The following DPP10 variants were observed in gnomAD, a reference collection of about 807,000 sequenced individuals.
DPP10 encodes the protein inactive dipeptidyl peptidase 10.
Under a neutral mutation model 120.9 loss-of-function variants are expected in DPP10, and 33 were observed. The observed-to-expected ratio is 0.27, with a 90% confidence interval of 0.21 to 0.37. DPP10 has a LOEUF of 0.37. Ranked by LOEUF, DPP10 falls within the 10% of genes least tolerant of loss-of-function variation. The pLI is 1.00. For missense variants in DPP10, 816 were observed against 942.8 expected, an observed-to-expected ratio of 0.87 and a Z score of 1.76; for synonymous variants, 337 against 326.1, an observed-to-expected ratio of 1.03 and a Z score of -0.36.
At chr2:115,755,908 T>C (rs1237419651) in intron 11 of DPP10, among the ~76,000 whole-genome samples, 2 of 142,570 alleles carry the variant, frequency 1.4e-5, no homozygotes, top group Non-Finnish European at 3.1e-5. Context: ...TTTTAAAAAG[T>C]ATATATGTAT....
intron 1 of DPP10, among the ~76,000 whole-genome samples, chr2:114,518,467 C>T (rs2104634479): frequency 6.6e-6 from 1 of 152,230 alleles, no homozygotes; most frequent in Admixed American, 6.5e-5. Flanking sequence ...CTTATGTTTT[C>T]CCTTCTATTT....
At chr2:115,000,016 G>GT (rs11458624) in intron 1 of DPP10, among the ~76,000 whole-genome samples, 147,040 of 150,774 alleles carry the variant, frequency 0.98, 71,807 homozygotes, top group Middle Eastern at 1. Flanking sequence ...CAACCAATTA[G>GT]TTTTTTTTTA....
At chr2:115,774,436 A>G (rs1377340735) in intron 13 of DPP10, among the ~76,000 whole-genome samples, 1 of 152,062 alleles carries the variant, frequency 6.6e-6, no homozygotes, top group Non-Finnish European at 1.5e-5. Flanking sequence ...CATTCAAAGC[A>G]GGGCCTGGAA....
intron 1 of DPP10, among the ~76,000 whole-genome samples, chr2:114,832,361 G>A (rs1687214519): frequency 6.6e-6 from 1 of 152,026 alleles, no homozygotes; most frequent in Non-Finnish European, 1.5e-5. Context: ...GTGAAACACC[G>A]CCTCTACTAA....
At position 115,021,516 on chromosome 2, in the gene DPP10, T is replaced by C. The variant is rs551769945; in HGVS notation, c.61-287723T>C. On this transcript the variant is annotated intron_variant, in intron 1 of 25. Transcript: ENST00000410059. Reference sequence around the variant, plus strand: ...CCAATAAAAAGCAGTGAGATTGAAATGATAATTTAAAAATTGACAAAAACT... The same window carrying C: ...CCAATAAAAAGCAGTGAGATTGAAACGATAATTTAAAAATTGACAAAAACT... 1.6e-4 allele frequency among the ~76,000 whole-genome samples: 24 copies of C among 152,082 alleles called. No individual in the cohort carries two copies. The South Asian group carries it at 4.8e-3, about 30-fold the overall frequency.
chr2:114,702,412 C>A (rs1299863003), intron 1 of DPP10, among the ~76,000 whole-genome samples: 2 of 152,050 alleles, frequency 1.3e-5, no homozygotes, highest in East Asian at 2.0e-4. Context: ...GATCTCTATT[C>A]CTAGCATCTG....
At chr2:114,931,029 A>G (rs1405192686) in intron 1 of DPP10, among the ~76,000 whole-genome samples, 2 of 152,200 alleles carry the variant, frequency 1.3e-5, no homozygotes, top group South Asian at 2.1e-4. Flanking sequence ...TCTCCAAACT[A>G]TACCAACCAC....
chr2:114,991,881 C>G (rs991004909), intron 1 of DPP10, among the ~76,000 whole-genome samples: 1 of 152,078 alleles, frequency 6.6e-6, no homozygotes, highest in Admixed American at 6.6e-5. Flanking sequence ...CCAGGCAAGT[C>G]CACAGATGGA....
chr2:114,679,034 A>G (rs562522461), intron 1 of DPP10, among the ~76,000 whole-genome samples: 1 of 152,222 alleles, frequency 6.6e-6, no homozygotes, highest in East Asian at 1.9e-4. Context: ...TTTAGCGCAC[A>G]GACTTTCCTA....
intron 1 of DPP10, among the ~76,000 whole-genome samples, chr2:115,295,404 A>G (rs967967226): frequency 1.3e-5 from 2 of 152,142 alleles, no homozygotes; most frequent in African/African-American, 4.8e-5. Flanking sequence ...TTTTCTGCAG[A>G]TATAAATAAA....
chr2:114,512,213 A>G (rs1273975219), intron 1 of DPP10, among the ~76,000 whole-genome samples: 1 of 152,204 alleles, frequency 6.6e-6, no homozygotes, highest in East Asian at 1.9e-4. Flanking sequence ...GTGAACCCTG[A>G]TGTTAGTTAT....
chr2:115,643,102 CTAAT>C (rs948087004), intron 5 of DPP10, among the ~76,000 whole-genome samples: 1 of 151,318 alleles, frequency 6.6e-6, no homozygotes, highest in African/African-American at 2.4e-5. Context: ...TTCAGGTTTA[CTAAT>C]TAAAGTCAGT....
chr2:115,381,101 C>G (rs992332104), intron 3 of DPP10, among the ~76,000 whole-genome samples: 10 of 152,084 alleles, frequency 6.6e-5, no homozygotes, highest in Non-Finnish European at 1.0e-4. Context: ...TGTTGGCCTG[C>G]CTTGCTAAAT....
At chr2:114,876,285 A>G (rs1172896997) in intron 1 of DPP10, among the ~76,000 whole-genome samples, 1 of 152,120 alleles carries the variant, frequency 6.6e-6, no homozygotes, top group Non-Finnish European at 1.5e-5. Flanking sequence ...GAGCAGGAAA[A>G]GCCACAGAGC....
Position 114,950,978 on chromosome 2 carries a change from A to C in DPP10, c.61-358261A>C, listed in dbSNP as rs1350083936. 2.0e-5 allele frequency among the ~76,000 whole-genome samples: 3 copies of C among 152,228 alleles called. No homozygotes were observed. The East Asian group carries it at 5.8e-4, about 29-fold the overall frequency. ...TATGGGGATGACAATAGCAAGATAC[A>C]GCGCTACAATGAAATCTAATTGTTA... On this transcript the variant is annotated intron_variant, in intron 1 of 25. Coordinates refer to ENST00000410059, the MANE Select transcript of DPP10 (RefSeq NM_020868.6).
chr2:115,139,741 A>C (rs915145196), intron 1 of DPP10, among the ~76,000 whole-genome samples: 1 of 150,816 alleles, frequency 6.6e-6, no homozygotes, highest in African/African-American at 2.4e-5. Context: ...AAAAAAAAAA[A>C]AAAAAAAAAA....
At chr2:114,534,645 T>C (rs1319422476) in intron 1 of DPP10, among the ~76,000 whole-genome samples, 2 of 152,210 alleles carry the variant, frequency 1.3e-5, no homozygotes, top group Non-Finnish European at 2.9e-5. Flanking sequence ...TTGTTTTCAG[T>C]ATGGTGCCCA....
In DPP10 at chr2:115,762,556, A is replaced by G. The variant is rs764141315; in HGVS notation, c.1075-16A>G. On this transcript the variant is annotated splice_polypyrimidine_tract_variant and intron_variant, in intron 11 of 25. Transcript: ENST00000410059. ...TGGTCTTTAGATGCTTCATGGAGTT[A>G]ATTGTTTTGTTTCAGAAATATGAGA... 2 of 1,613,308 alleles carry G rather than the reference A, an allele frequency of 1.2e-6. No individual in the cohort carries two copies. The highest frequency in any genetic ancestry group is 1.7e-6 in the Non-Finnish European group (2 of 1,179,802).
intron 1 of DPP10, among the ~76,000 whole-genome samples, chr2:115,018,714 G>C (rs986710605): frequency 6.6e-6 from 1 of 152,088 alleles, no homozygotes; most frequent in African/African-American, 2.4e-5. Context: ...CCTGTTGGGG[G>C]TGTAAGGGGC....
Sources: allele counts gnomAD v4.1 joint callset (sites outside exome capture counted in the v4.1 genomes callset), GRCh38; gene constraint gnomAD v4.1.1; transcripts MANE v1.5; gene names NCBI Gene and HGNC (gene_info 2026-07-23, HGNC 2026-07-21).